The following ABCC9 variants were observed in gnomAD, a reference collection of about 807,000 sequenced individuals.
ABCC9 encodes the protein ATP-binding cassette sub-family C member 9.
Under a neutral mutation model 188.3 loss-of-function variants are expected in ABCC9, and 95 were observed. The observed-to-expected ratio is 0.50, with a 90% confidence interval of 0.43 to 0.60. ABCC9 has a LOEUF of 0.60. Among genes scored for constraint, ABCC9 ranks in the 20% least tolerant of loss-of-function variants. The pLI is 0.00. For synonymous variants in ABCC9, 659 were observed against 652.7 expected (o/e 1.01, Z -0.15); for missense variants, 1,102 against 1,876.3 (o/e 0.59, Z 7.62).
chr12:21,848,449 AG>A (rs1944797860), intron 24 of ABCC9, among the ~76,000 whole-genome samples: 1 of 152,168 alleles, frequency 6.6e-6, no homozygotes, highest in South Asian at 2.1e-4. Flanking sequence ...CAGTGCTCAA[AG>A]GTGTGGAGCA....
In ABCC9 at chr12:21,828,948, A is replaced by G. The variant is rs199640712; in HGVS notation, c.3669+10T>C. On this transcript the variant is annotated intron_variant, in intron 31 of 39. Transcript: ENST00000261200. Reference sequence around the variant, plus strand: ...TTGGTTTCCATTTCGAAATCATGAAATGAACGTACCGTCCTGACCTCCAGC... The same window carrying G: ...TTGGTTTCCATTTCGAAATCATGAAGTGAACGTACCGTCCTGACCTCCAGC... 61 of 1,610,142 alleles carry G rather than the reference A, an allele frequency of 3.8e-5. No individual in the cohort carries two copies. The East Asian group carries it at 1.2e-3, about 33-fold the overall frequency.
chr12:21,837,406 T>G (rs1007994909), intron 30 of ABCC9, among the ~76,000 whole-genome samples: 5 of 152,184 alleles, frequency 3.3e-5, no homozygotes, highest in Non-Finnish European at 7.3e-5. Flanking sequence ...AAAATCTATA[T>G]ATACTTGCGA....
In ABCC9 at chr12:21,805,030, G is replaced by A. The variant is rs1941736465; in HGVS notation, c.4512+968C>T. The A allele has an allele frequency of 3.3e-6, 4 of 1,206,600 alleles. No individual in the cohort carries two copies. In the South Asian group the frequency reaches 3.8e-5, roughly 11 times the overall value. The allele number at this position is 1,206,600 out of a possible 1,614,324, so 74.7% of individuals were successfully genotyped here. A position where few individuals can be genotyped will look rare whatever the true frequency, so the allele number is the denominator to read the frequency against. On this transcript the variant is annotated intron_variant, in intron 39 of 39. Coordinates refer to ENST00000261200, the MANE Select transcript of ABCC9 (RefSeq NM_020297.4). ...GAGCATGACAAAAGCACTTGGTTGA[G>A]CTGATTTTGTAATAACACCCTGCAG...
intron 30 of ABCC9, among the ~76,000 whole-genome samples, 159 bp from the exon 31 acceptor site, chr12:21,829,219 T>TTC (rs1555182974): frequency 4.4e-5 from 6 of 136,850 alleles, no homozygotes; most frequent in African/African-American, 1.4e-4. Context: ...TTTTTTTTTT[T>TTC]CAGATGGAGT....
At chr12:21,802,383 A>G (rs1941498114) in intron 39 of ABCC9, among the ~76,000 whole-genome samples, 1 of 150,574 alleles carries the variant, frequency 6.6e-6, no homozygotes, top group African/African-American at 2.4e-5. Flanking sequence ...GTATTGTTCA[A>G]TAGAAGTATA....
rs759432313 is a variant in ABCC9, at chr12:21,861,027, G to A, written c.2368C>T (p.Leu790Phe). Residue 790 changes from leucine (L) to phenylalanine (F), a missense_variant, in exon 21 of 40, where the codon CTT (leucine) becomes TTT (phenylalanine). By Grantham distance (22) the Leu-to-Phe change is conservative. Coordinates refer to ENST00000261200, the MANE Select transcript of ABCC9 (RefSeq NM_020297.4). ...GGTAATAAGTCAATATCTGGCTGAA[G>A]AGAACAGGCATCTGTGACAGCTTTG... is the stretch of plus-strand genomic sequence containing the variant. ...RYKAVTDACSLQPDIDLLPFG... is the reference protein window; with the variant it reads ...RYKAVTDACSFQPDIDLLPFG... 6.2e-7 allele frequency: 1 copy of A among 1,613,612 alleles called. No homozygotes were observed. The highest frequency in any genetic ancestry group is 8.5e-7 in the Non-Finnish European group (1 of 1,179,802).
chr12:21,857,381 G>T (rs1379056855), intron 22 of ABCC9, among the ~76,000 whole-genome samples: 1 of 152,084 alleles, frequency 6.6e-6, no homozygotes, highest in Non-Finnish European at 1.5e-5. Context: ...TATATATTTT[G>T]CTGCAGAAGT....
chr12:21,826,241 G>A (rs571387354), intron 31 of ABCC9, among the ~76,000 whole-genome samples: 66 of 152,022 alleles, frequency 4.3e-4, no homozygotes, highest in Non-Finnish European at 5.9e-4. Flanking sequence ...GATGTACTGG[G>A]CCAATTAGAA....
intron 5 of ABCC9, chr12:21,925,504 C>T (rs2137995283): frequency 2.8e-6 from 2 of 702,634 alleles, no homozygotes; most frequent in East Asian, 5.4e-5. Context: ...CAGTGAAAGG[C>T]TTGAACCTTG....
intron 12 of ABCC9, among the ~76,000 whole-genome samples, chr12:21,903,108 T>C (rs1403709724): frequency 6.6e-6 from 1 of 152,156 alleles, no homozygotes; most frequent in African/African-American, 2.4e-5. Flanking sequence ...TCAAGTGGGC[T>C]TCATCCCTGG....
At chr12:21,896,365 T>C (rs1330359592) in intron 12 of ABCC9, among the ~76,000 whole-genome samples, 1 of 152,194 alleles carries the variant, frequency 6.6e-6, no homozygotes, top group Non-Finnish European at 1.5e-5. Context: ...ATCCAAACAC[T>C]GATCTGAGTT....
chr12:21,823,999 G>T (rs975728291), intron 31 of ABCC9, among the ~76,000 whole-genome samples: 1 of 152,152 alleles, frequency 6.6e-6, no homozygotes, highest in Non-Finnish European at 1.5e-5. Context: ...AAATGAATAT[G>T]ATATGAATAT....
intron 4 of ABCC9, among the ~76,000 whole-genome samples, chr12:21,933,097 G>C (rs1437839049): frequency 6.6e-6 from 1 of 151,684 alleles, no homozygotes; most frequent in African/African-American, 2.4e-5. Flanking sequence ...GGATGGAGCT[G>C]GAGGCCATTA....
intron 22 of ABCC9, among the ~76,000 whole-genome samples, chr12:21,854,952 T>G (rs1047785747): frequency 7.9e-5 from 12 of 152,136 alleles, no homozygotes; most frequent in African/African-American, 2.9e-4. Context: ...AGCAAGGATA[T>G]AATTATCAAG....
At chr12:21,895,199 C>T in intron 13 of ABCC9, 76 bp downstream of exon 13, 2 of 1,271,118 alleles carry the variant, frequency 1.6e-6, no homozygotes, top group Non-Finnish European at 2.3e-6. Flanking sequence ...ATATTACTAC[C>T]CACACATTCT....
chr12:21,849,916 TTTC>T (rs1442303844), intron 24 of ABCC9, among the ~76,000 whole-genome samples: 1 of 152,068 alleles, frequency 6.6e-6, no homozygotes, highest in African/African-American at 2.4e-5. Flanking sequence ...CCTTTGTAGT[TTTC>T]ATTACTATCT....
chr12:21,902,209 A>T (rs1313446290), intron 12 of ABCC9, among the ~76,000 whole-genome samples: 1 of 152,210 alleles, frequency 6.6e-6, no homozygotes, highest in South Asian at 2.1e-4. Context: ...TGGGTACATA[A>T]CGAAATGAAG....
intron 22 of ABCC9, among the ~76,000 whole-genome samples, chr12:21,859,299 TCATCCAATAC>T (rs1296487045): frequency 6.6e-6 from 1 of 152,166 alleles, no homozygotes; most frequent in Non-Finnish European, 1.5e-5. Context: ...CCTGCCTCGT[TCATCCAATAC>T]CATCCAAATC....
intron 15 of ABCC9, among the ~76,000 whole-genome samples, chr12:21,883,977 A>G (rs1249319883): frequency 1.3e-5 from 2 of 152,214 alleles, no homozygotes; most frequent in African/African-American, 4.8e-5. Context: ...AAGAGAAAGT[A>G]GAATATTTAG....
Sources: allele counts gnomAD v4.1 joint callset (sites outside exome capture counted in the v4.1 genomes callset), GRCh38; gene constraint gnomAD v4.1.1; transcripts MANE v1.5; gene names NCBI Gene and HGNC (gene_info 2026-07-23, HGNC 2026-07-21).